NUSAP1: variants seen among roughly 807,000 people sequenced by gnomAD.
NUSAP1 encodes the protein nucleolar and spindle associated protein 1.
A neutral mutation model predicts 52.8 loss-of-function variants in NUSAP1; 32 were observed. The observed-to-expected ratio is 0.61, with a 90% CI of 0.46 to 0.81. The LOEUF (loss-of-function observed/expected upper bound fraction) is 0.81, where lower values mean the gene tolerates loss of function less well. NUSAP1 is among the 40% of genes least tolerant of loss of function. The pLI is 0.00. For synonymous variants in NUSAP1, 195 were observed against 183.1 expected, an observed-to-expected ratio of 1.06 and a Z score of -0.52; for missense variants, 499 against 522.3, an observed-to-expected ratio of 0.96 and a Z score of 0.43.
At chr15:41,348,421 T>C (rs2048661286) in intron 2 of NUSAP1, among the ~76,000 whole-genome samples, 1 of 152,098 alleles carries the variant, frequency 6.6e-6, no homozygotes, top group African/African-American at 2.4e-5. Context: ...GGTTTTGCCA[T>C]GTTGCCCAGG....
At chr15:41,378,375 C>T (rs567888112) in intron 10 of NUSAP1, among the ~76,000 whole-genome samples, 1 of 152,346 alleles carries the variant, frequency 6.6e-6, no homozygotes, top group East Asian at 1.9e-4. Flanking sequence ...CAGAGCTCAT[C>T]CTGGGTTGCA....
In NUSAP1 at chr15:41,351,089, A is replaced by C. The variant is rs199580182; in HGVS notation, c.408A>C (p.Pro136=). 31 of 1,613,846 alleles carry C rather than the reference A, an allele frequency of 1.9e-5. No homozygotes were observed. Among genetic ancestry groups the C allele is most frequent in the Non-Finnish European group, 2.5e-5 (30 of 1,179,830 alleles). ...DLRATAKVPS[P]PDEHQEAENA... is the part of the protein sequence containing the mutation. The stretch of plus-strand genomic sequence containing the variant: ...GAGCTACTGCAAAAGTTCCTTCTCC[A>C]CCAGACGAGCACCAAGAAGCTGAGA... Residue 136 remains proline, a synonymous_variant, in exon 4 of 11, where the codon CCA becomes CCC. Transcript: ENST00000559596.
At chr15:41,355,657 T>A (rs1355399010) in intron 4 of NUSAP1, among the ~76,000 whole-genome samples, 2 of 58,622 alleles carry the variant, frequency 3.4e-5, no homozygotes, top group Admixed American at 1.4e-4. Flanking sequence ...CTTACACACG[T>A]TTTTTTTTTT....
intron 1 of NUSAP1, 22 bp from the exon 2 acceptor site, chr15:41,342,364 A>T (rs779816308): frequency 1.3e-6 from 2 of 1,519,058 alleles, no homozygotes; most frequent in Admixed American, 3.8e-5. Flanking sequence ...TTTTGGCTCT[A>T]ATAATAAGGT....
Position 41,380,402 on chromosome 15 carries a change from T to G in NUSAP1, c.*216T>G, listed in dbSNP as rs1159043220. 1.1e-5 allele frequency: 4 copies of G among 368,304 alleles called. No individual in the cohort carries two copies. The highest frequency in any genetic ancestry group is 2.0e-5 in the Non-Finnish European group (4 of 202,172). 22.8% of individuals were successfully genotyped at this position (368,304 alleles called of 1,614,324 possible). ...TTCTTTGGGATGGTTTTTACTTAAG[T>G]CCATTAACAATTCAGGTTTCTAACG... On this transcript the variant is annotated 3_prime_UTR_variant, in exon 11 of 11. Transcript: ENST00000559596.
intron 1 of NUSAP1, among the ~76,000 whole-genome samples, chr15:41,339,273 T>C (rs532897101): frequency 1.3e-5 from 2 of 152,246 alleles, no homozygotes; most frequent in African/African-American, 4.8e-5. Context: ...TGGTAAAGAA[T>C]CATGATGTCT....
At chr15:41,345,624 T>A in intron 2 of NUSAP1, 1 of 289,040 alleles carries the variant, frequency 3.5e-6, no homozygotes, top group Non-Finnish European at 6.7e-6. Context: ...CACACCCGGA[T>A]AATTGTGTAT....
At position 41,376,727 on chromosome 15, in the gene NUSAP1, A is replaced by T. The variant is rs547747914; in HGVS notation, c.1124-469A>T. ...AAATAATAATAATTAAATTTAAATT[A>T]AAAAAAAAAGCAACACATAAACTTC... On this transcript the variant is annotated intron_variant, in intron 9 of 10. Coordinates refer to ENST00000559596, the MANE Select transcript of NUSAP1 (RefSeq NM_016359.5). Among the ~76,000 whole-genome samples the T allele has an allele frequency of 5.5e-4, 68 of 122,712 alleles. No individual in the cohort carries two copies. The South Asian group carries it at 5.7e-3, about 10-fold the overall frequency. The allele number at this position is 122,712 out of a possible 152,430, so 80.5% of individuals were successfully genotyped here.
intron 4 of NUSAP1, among the ~76,000 whole-genome samples, chr15:41,355,113 G>A (rs770336586): frequency 3.3e-5 from 5 of 151,944 alleles, no homozygotes; most frequent in Admixed American, 6.6e-5. Context: ...GCCTCCCAAA[G>A]TGCTGGGATT....
intron 6 of NUSAP1, among the ~76,000 whole-genome samples, chr15:41,364,444 G>A (rs2049305717): frequency 6.6e-6 from 1 of 152,052 alleles, no homozygotes; most frequent in Admixed American, 6.6e-5. Context: ...TATTTGGGAG[G>A]CTAAGGCAGG....
chr15:41,339,098 A>T (rs1018792675), intron 1 of NUSAP1, among the ~76,000 whole-genome samples: 1 of 152,146 alleles, frequency 6.6e-6, no homozygotes, highest in Admixed American at 6.6e-5. Context: ...TTGGAGGGAA[A>T]TTTTTTTAAA....
At chr15:41,344,213 C>CAAAAAA (rs965547801) in intron 2 of NUSAP1, 3 of 54,306 alleles carry the variant, frequency 5.5e-5, no homozygotes, top group Non-Finnish European at 1.2e-4. Context: ...GACTCCATCT[C>CAAAAAA]AAAAAAAAAA....
At chr15:41,357,058 T>A (rs2049000523) in intron 5 of NUSAP1, among the ~76,000 whole-genome samples, 1 of 152,166 alleles carries the variant, frequency 6.6e-6, no homozygotes. Context: ...GTTTTTACAT[T>A]TTTTAAAGAA....
At chr15:41,372,228 C>T (rs757948833) in intron 8 of NUSAP1, among the ~76,000 whole-genome samples, 1 of 151,906 alleles carries the variant, frequency 6.6e-6, no homozygotes, top group Non-Finnish European at 1.5e-5. Flanking sequence ...GGTGACCCTC[C>T]AGGAAGGGCA....
chr15:41,378,944 G>GTTGTTTTTTTTT (rs2050091479), intron 10 of NUSAP1, among the ~76,000 whole-genome samples: 1 of 63,270 alleles, frequency 1.6e-5, no homozygotes, highest in African/African-American at 7.0e-5. Context: ...ACTTATCTTG[G>GTTGTTTTTTTTT]TTTTTTTTTT....
chr15:41,359,800 T>TA (rs1311556137), intron 6 of NUSAP1, among the ~76,000 whole-genome samples: 10 of 151,640 alleles, frequency 6.6e-5, no homozygotes, highest in Middle Eastern at 3.4e-3. Context: ...ACCCAGCTAA[T>TA]TTTTTTATTT....
chr15:41,335,328 C>T (rs1001621218), intron 1 of NUSAP1, among the ~76,000 whole-genome samples: 1 of 142,446 alleles, frequency 7.0e-6, no homozygotes, highest in African/African-American at 2.6e-5. Flanking sequence ...TATAAATATA[C>T]TAGGATACTA....
intron 10 of NUSAP1, among the ~76,000 whole-genome samples, chr15:41,377,787 G>A (rs1007772898): frequency 1.3e-5 from 2 of 149,700 alleles, no homozygotes; most frequent in Admixed American, 7.0e-5. Flanking sequence ...GGCAGATCAC[G>A]AGGTCAGATC....
chr15:41,377,693 C>T (rs536649585), intron 10 of NUSAP1, among the ~76,000 whole-genome samples: 10 of 127,394 alleles, frequency 7.8e-5, no homozygotes, highest in Non-Finnish European at 1.6e-4. Context: ...AGCCAGGCGC[C>T]GTCTCAAAAA....
Sources: allele counts gnomAD v4.1 joint callset (sites outside exome capture counted in the v4.1 genomes callset), GRCh38; gene constraint gnomAD v4.1.1; transcripts MANE v1.5; gene names NCBI Gene and HGNC (gene_info 2026-07-23, HGNC 2026-07-21).